ARHGAP40: variants seen among roughly 807,000 people sequenced by gnomAD.
ARHGAP40 encodes the protein rho GTPase-activating protein 40.
Under a neutral mutation model 73.5 loss-of-function variants are expected in ARHGAP40, and 43 were observed. The observed-to-expected ratio is 0.58, with a 90% confidence interval of 0.46 to 0.75. ARHGAP40 has a LOEUF of 0.75. Among genes scored for constraint, ARHGAP40 ranks in the 30% least tolerant of loss-of-function variants. The pLI, the probability that ARHGAP40 is intolerant of heterozygous loss-of-function variation, is 0.00. For synonymous variants in ARHGAP40, 300 were observed against 352.8 expected (o/e 0.85, Z 1.68); for missense variants, 734 against 861.8 (o/e 0.85, Z 1.86).
chr20:38,637,687 C>T, intron 6 of ARHGAP40, 21 bp from the exon 7 acceptor site: 1 of 1,304,512 alleles, frequency 7.7e-7, no homozygotes, highest in Non-Finnish European at 1.0e-6. Flanking sequence ...AAATGTGCCT[C>T]TGCTCTTTGA....
At chr20:38,603,421 C>CTATA (rs2088749758) in intron 1 of ARHGAP40, among the ~76,000 whole-genome samples, 2 of 116,834 alleles carry the variant, frequency 1.7e-5, no homozygotes, top group Non-Finnish European at 3.9e-5. Context: ...ATCTATCTAT[C>CTATA]TATCTATCTA....
chr20:38,629,637 A>G (rs1398706171), exon 5 of ARHGAP40: 28 of 1,305,294 alleles, frequency 2.1e-5, no homozygotes, highest in Non-Finnish European at 2.8e-5. Flanking sequence ...GCCTGGGGCA[A>G]GTGTTCCCTG....
intron 11 of ARHGAP40, among the ~76,000 whole-genome samples, chr20:38,645,149 C>CA (rs752533844): frequency 1.4e-5 from 2 of 147,686 alleles, no homozygotes; most frequent in Non-Finnish European, 3.0e-5. Context: ...ATTCCCTTCC[C>CA]TTTTTTTTTT....
chr20:38,623,578 G>T lies in ARHGAP40; in HGVS notation c.337+20G>T. 1.6e-6 allele frequency: 2 copies of T among 1,271,746 alleles called. No individual in the cohort carries two copies. The highest frequency in any genetic ancestry group is 1.3e-5 in the South Asian group (1 of 78,170). 78.8% of individuals were successfully genotyped at this position (1,271,746 alleles called of 1,614,324 possible). A position where few individuals can be genotyped will look rare whatever the true frequency, so the allele number is the denominator to read the frequency against. The stretch of plus-strand genomic sequence containing the variant: ...CAGAGGGTGAGAGACCCTGGCGGGG[G>T]CCTATAGGGGTGGTGGGAGGGCTTG... On this transcript the variant is annotated intron_variant, in intron 2 of 14. Coordinates refer to ENST00000373345, the Ensembl canonical transcript of ARHGAP40.
At chr20:38,627,438 G>GTGTT (rs1186293517) in intron 3 of ARHGAP40, among the ~76,000 whole-genome samples, 122 of 92,802 alleles carry the variant, frequency 1.3e-3, no homozygotes, top group Non-Finnish European at 2.8e-3. Flanking sequence ...TGTTGTCTGT[G>GTGTT]TTGGGGGTGT....
chr20:38,603,308 T>C (rs1353513350), intron 1 of ARHGAP40, among the ~76,000 whole-genome samples: 1 of 152,252 alleles, frequency 6.6e-6, no homozygotes, highest in Non-Finnish European at 1.5e-5. Flanking sequence ...GCTGAGCTCC[T>C]ATGTGCGTGG....
chr20:38,606,017 A>G (rs2088768999), intron 1 of ARHGAP40, among the ~76,000 whole-genome samples: 1 of 151,874 alleles, frequency 6.6e-6, no homozygotes, highest in Non-Finnish European at 1.5e-5. Context: ...ATGCACCACC[A>G]CGCCTAGCTA....
intron 1 of ARHGAP40, among the ~76,000 whole-genome samples, chr20:38,603,977 T>A (rs1294190234): frequency 6.6e-6 from 1 of 152,182 alleles, no homozygotes; most frequent in Non-Finnish European, 1.5e-5. Flanking sequence ...TCCAGGATCG[T>A]CCCCCCAACT....
At chr20:38,645,790 C>T (rs1387204358) in intron 11 of ARHGAP40, among the ~76,000 whole-genome samples, 2 of 152,150 alleles carry the variant, frequency 1.3e-5, no homozygotes, top group South Asian at 2.1e-4. Context: ...CAGCTTCTGT[C>T]GAGGGGACCA....
At chr20:38,644,888 T>C (rs62201577) in intron 11 of ARHGAP40, among the ~76,000 whole-genome samples, 9,002 of 150,634 alleles carry the variant, frequency 0.06, 374 homozygotes, top group African/African-American at 0.12. Flanking sequence ...ACCATGCATC[T>C]ATCCCACTAT....
chr20:38,602,058 G>A (rs774301227), exon 1 of ARHGAP40: 6 of 1,286,402 alleles, frequency 4.7e-6, no homozygotes, highest in Non-Finnish European at 6.1e-6. Context: ...TGCGCCCAGC[G>A]CTGGGCCGAC....
At chr20:38,638,914 A>G in intron 8 of ARHGAP40, 76 bp downstream of exon 8, 2 of 1,223,466 alleles carry the variant, frequency 1.6e-6, no homozygotes, top group Admixed American at 2.3e-5. Flanking sequence ...CGGGAGGGAA[A>G]CCAGTCCCTG....
intron 11 of ARHGAP40, among the ~76,000 whole-genome samples, chr20:38,644,318 T>C (rs570080562): frequency 1.3e-5 from 2 of 151,998 alleles, no homozygotes; most frequent in African/African-American, 4.8e-5. Context: ...ACCGTGAGCT[T>C]TGCCCTGAGT....
At chr20:38,615,748 C>T (rs546931278) in intron 1 of ARHGAP40, among the ~76,000 whole-genome samples, 36 of 152,234 alleles carry the variant, frequency 2.4e-4, no homozygotes, top group African/African-American at 4.1e-4. Flanking sequence ...GTGGGCTCAC[C>T]GCACCTCTGG....
intron 1 of ARHGAP40, among the ~76,000 whole-genome samples, chr20:38,621,852 G>A (rs1237190594): frequency 2.0e-5 from 3 of 152,086 alleles, no homozygotes; most frequent in South Asian, 2.1e-4. Context: ...CCAGGAGTTC[G>A]AGAACAGCCT....
At chr20:38,624,544 T>C (rs1189339313) in intron 2 of ARHGAP40, among the ~76,000 whole-genome samples, 3 of 152,124 alleles carry the variant, frequency 2.0e-5, no homozygotes, top group Non-Finnish European at 2.9e-5. Context: ...GTGCCTCCTC[T>C]CTGCCTCTTC....
exon 2 of ARHGAP40, chr20:38,623,541 A>T: frequency 7.8e-7 from 1 of 1,289,866 alleles, no homozygotes; most frequent in Non-Finnish European, 1.0e-6. Context: ...GGCGGGAATG[A>T]AGGCCAGCTT....
exon 4 of ARHGAP40, chr20:38,628,990 A>G (rs1390427833): frequency 1.3e-5 from 17 of 1,304,852 alleles, no homozygotes; most frequent in Non-Finnish European, 1.5e-5. Flanking sequence ...CGGGGCCTCT[A>G]AGTTTCCTCC....
At chr20:38,634,861 G>C in intron 6 of ARHGAP40, 76 bp downstream of exon 6, 1 of 1,164,112 alleles carries the variant, frequency 8.6e-7, no homozygotes, top group Non-Finnish European at 1.1e-6. Flanking sequence ...CTCCCAGCAA[G>C]AGATGCTCAG....
Sources: gnomAD v4.1 joint callset for allele counts (sites outside exome capture counted in the v4.1 genomes callset) on GRCh38, gnomAD v4.1.1 for gene constraint, MANE v1.5 for transcripts, NCBI Gene and HGNC (gene_info 2026-07-23, HGNC 2026-07-21) for gene names.